Variants in KCTD16 observed in about 807,000 individuals in gnomAD.
KCTD16 encodes the protein BTB/POZ domain-containing protein KCTD16.
A neutral mutation model predicts 33.2 loss-of-function variants in KCTD16; 13 were observed. The ratio of observed to expected loss-of-function variants is 0.39; its 90% CI spans 0.25 to 0.62. The LOEUF is 0.62. Among genes scored for constraint, KCTD16 ranks in the 20% least tolerant of loss-of-function variants. The pLI is 0.50. For synonymous variants in KCTD16, 197 were observed against 195.3 expected, an observed-to-expected ratio of 1.01 and a Z score of -0.07; for missense variants, 441 against 525.1, an observed-to-expected ratio of 0.84 and a Z score of 1.57.
rs6879701 is a variant in KCTD16 at position 144,418,244 on chromosome 5, A to G, written c.833-55416A>G. Among the ~76,000 whole-genome samples the G allele has an allele frequency of 2.7e-3, 408 of 152,280 alleles. 2 individuals are homozygous for G. Among genetic ancestry groups the G allele is most frequent in the African/African-American group, 9.1e-3 (377 of 41,552 alleles). ...AAGCTTTATTACAAAGAGCAAAAGA[A>G]CAAGGCTTCCACAGCGTGGAAGGAG... is the stretch of plus-strand genomic sequence containing the variant. On this transcript the variant is annotated intron_variant, in intron 3 of 3. Coordinates refer to ENST00000512467, the MANE Select transcript of KCTD16 (RefSeq NM_020768.4).
chr5:144,302,528 A>C (rs546948085), intron 3 of KCTD16, among the ~76,000 whole-genome samples: 3 of 152,296 alleles, frequency 2.0e-5, no homozygotes, highest in African/African-American at 7.2e-5. Context: ...TTGCAGCTTC[A>C]CTCATCCCTG....
chr5:144,232,754 C>T (rs1362520796), intron 3 of KCTD16, among the ~76,000 whole-genome samples: 1 of 151,990 alleles, frequency 6.6e-6, no homozygotes, highest in Non-Finnish European at 1.5e-5. Flanking sequence ...TAAAAGGAAA[C>T]AGTAAAATTA....
At chr5:144,291,108 T>C (rs772567948) in intron 3 of KCTD16, among the ~76,000 whole-genome samples, 152 of 152,228 alleles carry the variant, frequency 1.0e-3, no homozygotes, top group Admixed American at 3.3e-3. Flanking sequence ...ATATATGAGT[T>C]AACACACGGG....
At chr5:144,309,981 A>AT (rs960953777) in intron 3 of KCTD16, among the ~76,000 whole-genome samples, 23 of 150,586 alleles carry the variant, frequency 1.5e-4, no homozygotes, top group African/African-American at 5.6e-4. Context: ...GTCTTTTATA[A>AT]TTTTTTTTCT....
At chr5:144,465,782 TTTTG>T (rs1265495520) in intron 3 of KCTD16, among the ~76,000 whole-genome samples, 15 of 148,346 alleles carry the variant, frequency 1.0e-4, no homozygotes, top group South Asian at 4.2e-4. Flanking sequence ...AATTTAACTT[TTTTG>T]TTTTTTTTTT....
intron 3 of KCTD16, among the ~76,000 whole-genome samples, chr5:144,350,618 C>T (rs2126907375): frequency 6.6e-6 from 1 of 152,226 alleles, no homozygotes; most frequent in East Asian, 1.9e-4. Flanking sequence ...TAATGATAGA[C>T]ATTTTAGTTT....
chr5:144,370,662 C>A (rs1751947519), intron 3 of KCTD16, among the ~76,000 whole-genome samples: 1 of 152,076 alleles, frequency 6.6e-6, no homozygotes, highest in South Asian at 2.1e-4. Flanking sequence ...AATCTTTAGG[C>A]ATATATTTAG....
chr5:144,257,022 C>G (rs576263244), intron 3 of KCTD16, among the ~76,000 whole-genome samples: 5 of 152,072 alleles, frequency 3.3e-5, no homozygotes, highest in Non-Finnish European at 4.4e-5. Flanking sequence ...TTTTCTTTTG[C>G]AAAGTAATAT....
intron 3 of KCTD16, among the ~76,000 whole-genome samples, chr5:144,234,177 T>G (rs895652037): frequency 3.9e-5 from 6 of 152,154 alleles, no homozygotes; most frequent in African/African-American, 1.4e-4. Flanking sequence ...TGAGTTATTT[T>G]TGTTTTTGAT....
intron 3 of KCTD16, among the ~76,000 whole-genome samples, chr5:144,396,909 T>TA (rs1752578832): frequency 1.2e-5 from 1 of 82,030 alleles, no homozygotes; most frequent in African/African-American, 5.9e-5. Flanking sequence ...TTCACTTTAT[T>TA]TATTATATAT....
intron 3 of KCTD16, among the ~76,000 whole-genome samples, chr5:144,371,496 G>C (rs567212973): frequency 1.3e-5 from 2 of 152,128 alleles, no homozygotes; most frequent in Non-Finnish European, 2.9e-5. Flanking sequence ...TGTAAGATGA[G>C]TATGTGTTAT....
chr5:144,455,337 G>A (rs1482925296), intron 3 of KCTD16, among the ~76,000 whole-genome samples: 6 of 152,090 alleles, frequency 3.9e-5, no homozygotes, highest in Admixed American at 6.5e-5. Context: ...GTCACTTGGT[G>A]TGGTATCCAG....
intron 3 of KCTD16, among the ~76,000 whole-genome samples, chr5:144,379,123 T>C (rs905872868): frequency 2.0e-5 from 3 of 152,184 alleles, no homozygotes; most frequent in African/African-American, 7.2e-5. Context: ...TATTATGAAA[T>C]GTTTGAGGCA....
chr5:144,237,747 C>A (rs1754293026), intron 3 of KCTD16, among the ~76,000 whole-genome samples: 1 of 152,094 alleles, frequency 6.6e-6, no homozygotes, highest in African/African-American at 2.4e-5. Flanking sequence ...TGATCATGTT[C>A]TCCTCCTACC....
chr5:144,192,873 T>C (rs1257530352), intron 2 of KCTD16, among the ~76,000 whole-genome samples: 1 of 152,188 alleles, frequency 6.6e-6, no homozygotes, highest in Non-Finnish European at 1.5e-5. Context: ...ACCAAGGACT[T>C]TGGAGTTTAT....
intron 3 of KCTD16, among the ~76,000 whole-genome samples, chr5:144,418,265 A>T (rs1160599023): frequency 1.3e-5 from 2 of 152,170 alleles, no homozygotes; most frequent in Non-Finnish European, 2.9e-5. Flanking sequence ...ACAGCGTGGA[A>T]GGAGACCGAG....
intron 3 of KCTD16, among the ~76,000 whole-genome samples, chr5:144,419,505 G>C (rs894313420): frequency 2.6e-4 from 39 of 152,112 alleles, no homozygotes; most frequent in African/African-American, 9.2e-4. Flanking sequence ...TGAATGGGAT[G>C]GTTTCTCCTC....
At chr5:144,252,423 G>T (rs1754725357) in intron 3 of KCTD16, among the ~76,000 whole-genome samples, 1 of 152,074 alleles carries the variant, frequency 6.6e-6, no homozygotes, top group South Asian at 2.1e-4. Flanking sequence ...TTAATTTTCA[G>T]TGTGTCACTT....
At chr5:144,196,780 A>G (rs545228736) in intron 2 of KCTD16, among the ~76,000 whole-genome samples, 1 of 152,316 alleles carries the variant, frequency 6.6e-6, no homozygotes, top group South Asian at 2.1e-4. Context: ...ATTTCAAACA[A>G]TTGTCTGATG....
Sources: gnomAD v4.1 joint callset for allele counts (sites outside exome capture counted in the v4.1 genomes callset) on GRCh38, gnomAD v4.1.1 for gene constraint, MANE v1.5 for transcripts, NCBI Gene and HGNC (gene_info 2026-07-23, HGNC 2026-07-21) for gene names.